LRRC37A2: variants seen among roughly 807,000 people sequenced by gnomAD.
LRRC37A2 encodes leucine rich repeat containing 37 member A2, also known as leucine-rich repeat-containing protein 37A2.
A neutral mutation model predicts 68.8 loss-of-function variants in LRRC37A2; 9 were observed. The observed-to-expected ratio is 0.13, with a 90% CI of 0.08 to 0.23. LRRC37A2 has a LOEUF of 0.23. Ranked by LOEUF, LRRC37A2 falls within the 10% of genes least tolerant of loss-of-function variation. The pLI is 1.00. For synonymous variants in LRRC37A2, 63 were observed against 367.6 expected (o/e 0.17, Z 9.48); for missense variants, 168 against 950.4 (o/e 0.18, Z 10.82).
At chr17:47,008,715 T>C in the LRRC37A2 span, among the ~76,000 whole-genome samples, 1 of 151,918 alleles carries the variant, frequency 6.6e-6, no homozygotes, top group Non-Finnish European at 1.5e-5. Context: ...CCTGATCTCA[T>C]AATCTGCCTG....
chr17:46,742,359 T>C, the LRRC37A2 span, among the ~76,000 whole-genome samples: 1 of 152,240 alleles, frequency 6.6e-6, no homozygotes, highest in African/African-American at 2.4e-5. Flanking sequence ...CTGCTACCCT[T>C]GAAAGCTATA....
chr17:46,784,315 A>T, the LRRC37A2 span, among the ~76,000 whole-genome samples: 1 of 152,248 alleles, frequency 6.6e-6, no homozygotes, highest in Admixed American at 6.5e-5. Context: ...AAGACGAGGA[A>T]GTGCGTGGGG....
the LRRC37A2 span, among the ~76,000 whole-genome samples, chr17:46,773,159 T>C: frequency 2.0e-5 from 3 of 152,068 alleles, no homozygotes. Flanking sequence ...GTGCACCCTC[T>C]AGCCCCACCA....
chr17:46,757,623 T>C, the LRRC37A2 span, among the ~76,000 whole-genome samples: 1 of 152,138 alleles, frequency 6.6e-6, no homozygotes, highest in East Asian at 1.9e-4. Context: ...TTAGAAAGTA[T>C]AGTTATTTAA....
chr17:46,756,328 T>G, the LRRC37A2 span: 1 of 152,652 alleles, frequency 6.6e-6, no homozygotes, highest in South Asian at 2.1e-4. Context: ...GTTAAAGGTC[T>G]CCCACAAGAC....
chr17:47,044,096 G>A, the LRRC37A2 span, among the ~76,000 whole-genome samples: 2 of 96,876 alleles, frequency 2.1e-5, no homozygotes, highest in East Asian at 3.1e-4. Context: ...TGAGCAAATT[G>A]AATTATGGAG....
chr17:46,743,994 T>C, the LRRC37A2 span, among the ~76,000 whole-genome samples: 2 of 152,184 alleles, frequency 1.3e-5, no homozygotes, highest in Admixed American at 6.5e-5. Flanking sequence ...TGTCCCTTCT[T>C]TTCAAGGGCC....
At chr17:46,935,350 C>T in the LRRC37A2 span, 1 of 1,461,620 alleles carries the variant, frequency 6.8e-7, no homozygotes, top group East Asian at 2.5e-5. Flanking sequence ...CTGAAAGTAC[C>T]CAGTTCCTTT....
the LRRC37A2 span, among the ~76,000 whole-genome samples, chr17:47,009,797 G>A: frequency 1.3e-5 from 2 of 152,250 alleles, no homozygotes; most frequent in Admixed American, 1.3e-4. Context: ...CCACTTAGAA[G>A]TCCCTTGTAC....
chr17:46,556,768 CA>C (rs1319096265), downstream of LRRC37A2: 1 of 66,626 alleles, frequency 1.5e-5, no homozygotes, highest in Non-Finnish European at 2.6e-5. Flanking sequence ...ATGTCTTTTG[CA>C]GGAACACAGA....
At chr17:46,941,903 G>C in the LRRC37A2 span, 14 of 984,278 alleles carry the variant, frequency 1.4e-5, no homozygotes, top group African/African-American at 1.7e-5. Context: ...TGATTCTGAT[G>C]TGTGTATTTT....
the LRRC37A2 span, among the ~76,000 whole-genome samples, chr17:46,883,141 G>A: frequency 1.3e-5 from 2 of 151,602 alleles, no homozygotes; most frequent in Admixed American, 6.6e-5. Context: ...ACCACGCCCG[G>A]CTAATTTTGT....
At chr17:46,893,703 T>C in the LRRC37A2 span, among the ~76,000 whole-genome samples, 2 of 151,852 alleles carry the variant, frequency 1.3e-5, no homozygotes, top group Non-Finnish European at 2.9e-5. Context: ...GAGGTTGGAA[T>C]CCTGAAAAAA....
chr17:46,809,742 C>T, the LRRC37A2 span, among the ~76,000 whole-genome samples: 1 of 152,192 alleles, frequency 6.6e-6, no homozygotes, highest in Admixed American at 6.5e-5. Context: ...AACCAAGCCC[C>T]ATGCCCTGAG....
At chr17:46,936,325 G>C in the LRRC37A2 span, 1 of 985,420 alleles carries the variant, frequency 1.0e-6, no homozygotes. Context: ...GTGGGGGTTA[G>C]AGCGTCCTGT....
chr17:46,979,034 G>C, the LRRC37A2 span: 2 of 1,384,972 alleles, frequency 1.4e-6, no homozygotes, highest in Non-Finnish European at 1.8e-6. Flanking sequence ...GGGTCTCGGC[G>C]CGCAGTCCCG....
the LRRC37A2 span, among the ~76,000 whole-genome samples, chr17:46,806,174 G>A: frequency 6.6e-6 from 1 of 150,680 alleles, no homozygotes; most frequent in Non-Finnish European, 1.5e-5. Flanking sequence ...TGTGATCCTC[G>A]GTTTTCTTTT....
the LRRC37A2 span, among the ~76,000 whole-genome samples, chr17:46,858,208 G>T: frequency 1.8e-4 from 28 of 152,216 alleles, no homozygotes; most frequent in Admixed American, 1.8e-3. Context: ...GGGATTACAG[G>T]CGTGAGCCAC....
At chr17:46,876,119 G>A in the LRRC37A2 span, 4 of 883,828 alleles carry the variant, frequency 4.5e-6, no homozygotes, top group East Asian at 2.7e-5. Flanking sequence ...GGAGGAGCTG[G>A]GGCTGAGACC....
Sources: allele counts gnomAD v4.1 joint callset (sites outside exome capture counted in the v4.1 genomes callset), GRCh38; gene constraint gnomAD v4.1.1; transcripts MANE v1.5; gene names NCBI Gene and HGNC (gene_info 2026-07-23, HGNC 2026-07-21).